The following TINAGL1 variants were observed in gnomAD, a reference collection of about 807,000 sequenced individuals.
The protein encoded by TINAGL1 is tubulointerstitial nephritis antigen like 1.
A neutral mutation model predicts 62.0 loss-of-function variants in TINAGL1; 34 were observed. The observed-to-expected ratio is 0.55, with a 90% CI of 0.42 to 0.73. TINAGL1 has a LOEUF of 0.73. Ranked by LOEUF, TINAGL1 falls within the 30% of genes least tolerant of loss-of-function variation. TINAGL1 has a pLI of 0.00. For missense variants in TINAGL1, 516 were observed against 653.2 expected (o/e 0.79, Z 2.29); for synonymous variants, 221 against 249.7 (o/e 0.88, Z 1.08).
At chr1:31,580,629 A>G (rs2148590052) in intron 3 of TINAGL1, 2 of 1,289,378 alleles carry the variant, frequency 1.6e-6, no homozygotes, top group South Asian at 2.5e-5. Flanking sequence ...AAGCCCAGCC[A>G]TACTGGGTCT....
Position 31,584,760 on chromosome 1 carries a change from A to C in TINAGL1, c.665A>C (p.Asp222Ala). The stretch of plus-strand genomic sequence containing the variant: ...CCCAACCTGATTCATGAGCCTCTTG[A>C]CCAAGGCAACTGTGCAGGCTCCTGG... The part of the protein sequence containing the change: ...KWPNLIHEPL[D>A]QGNCAGSWAF... The change falls in exon 6 of 12, where the codon GAC becomes GCC. Residue 222 changes from aspartate (D) to alanine (A), a missense_variant. By Grantham distance (126) the Asp-to-Ala change is moderately radical. Transcript: ENST00000271064. This position sits in a 1 kb window ranked among gnomAD's most constrained non-coding sequence, Gnocchi z 4.0. 1 of 1,614,216 alleles carries C rather than the reference A, an allele frequency of 6.2e-7. No individual in the cohort carries two copies. Among genetic ancestry groups the C allele is most frequent in the Non-Finnish European group, 8.5e-7 (1 of 1,180,028 alleles).
chr1:31,576,529 G>C lies in TINAGL1; in HGVS notation c.-82G>C, dbSNP rs12409748. On this transcript the variant is annotated 5_prime_UTR_variant, in exon 1 of 12. Transcript: ENST00000271064. The surrounding 1 kb of genome is among the most constrained non-coding windows in gnomAD (Gnocchi z 5.1). ...GCTCCTCTCTTGACTTTGAGCGTCC[G>C]GCGGTCGCAGAGCCAGGAGGCGGAG... The C allele has an allele frequency of 3.9e-5, 6 of 152,280 alleles. No homozygotes were observed. The highest frequency in any genetic ancestry group is 1.9e-4 in the East Asian group (1 of 5,172). The allele number at this position is 152,280 out of a possible 1,614,324, so 9.4% of individuals were successfully genotyped here.
chr1:31,585,810 C>T lies in TINAGL1; in HGVS notation c.1151C>T (p.Thr384Met), dbSNP rs148269987. 2.1e-4 allele frequency: 333 copies of T among 1,612,786 alleles called. 1 individual carries two copies. The highest frequency in any genetic ancestry group is 2.5e-4 in the Non-Finnish European group (291 of 1,179,506). The change falls in exon 10 of 12, where the codon ACG becomes ATG. Residue 384 changes from threonine to methionine, a missense_variant. Coordinates refer to ENST00000271064, the MANE Select transcript of TINAGL1 (RefSeq NM_022164.3). This position sits in a 1 kb window ranked among gnomAD's most constrained non-coding sequence, Gnocchi z 4.3. ...FLYKGGIYSH[T>M]PVSLGRPERY... ...TACAAGGGAGGCATCTACAGCCACA[C>T]GCCAGTGAGCCTTGGGAGGCCAGAG...
intron 3 of TINAGL1, chr1:31,580,287 G>T: frequency 8.2e-7 from 1 of 1,226,038 alleles, no homozygotes; most frequent in South Asian, 1.4e-5. Flanking sequence ...TGGCCCCTTA[G>T]GCCCCCTCTG....
chr1:31,585,904 T>G lies in TINAGL1; in HGVS notation c.1217+28T>G, dbSNP rs1157744483. The G allele has an allele frequency of 6.4e-7, 1 of 1,555,608 alleles. No individual in the cohort carries two copies. The highest frequency in any genetic ancestry group is 1.2e-5 in the South Asian group (1 of 83,876). Reference sequence around the variant, plus strand: ...GAGGGGCGTGTGGGCAGAGGGGGTTTGGGACAGCAGGGTTTGTGCTAGGGG... The same window carrying G: ...GAGGGGCGTGTGGGCAGAGGGGGTTGGGGACAGCAGGGTTTGTGCTAGGGG... On this transcript the variant is annotated intron_variant, in intron 10 of 11. Transcript: ENST00000271064. This position sits in a 1 kb window ranked among gnomAD's most constrained non-coding sequence, Gnocchi z 4.3.
In TINAGL1 at chr1:31,577,466, C is replaced by T. The variant is rs1286359725; in HGVS notation, c.310+8C>T. 6.2e-7 allele frequency: 1 copy of T among 1,600,514 alleles called. No individual in the cohort carries two copies. On this transcript the variant is annotated splice_region_variant and intron_variant, in intron 2 of 11. Transcript: ENST00000271064. This position sits in a 1 kb window ranked among gnomAD's most constrained non-coding sequence, Gnocchi z 5.4. ...CTTTTCCCCCGATCCAAGGTGGGCA[C>T]TAAGATGGCCAGGAGGGTGGGTCAC...
Position 31,583,301 on chromosome 1 carries a change from G to C in TINAGL1, c.467+60G>C. 1 of 1,562,214 alleles carries C rather than the reference G, an allele frequency of 6.4e-7. No individual in the cohort carries two copies. Among genetic ancestry groups the C allele is most frequent in the Non-Finnish European group, 8.8e-7 (1 of 1,133,704 alleles). ...CATGCATACTCATGCATGTATACAC[G>C]CATGCTGTGCTGTGGGGCACGTCCA... On this transcript the variant is annotated intron_variant, in intron 4 of 11. Transcript: ENST00000271064. The surrounding 1 kb of genome is among the most constrained non-coding windows in gnomAD (Gnocchi z 4.4).
Position 31,584,883 on chromosome 1 carries a change from C to A in TINAGL1, c.707-3C>A, listed in dbSNP as rs1271796138. The A allele has an allele frequency of 6.2e-7, 1 of 1,611,276 alleles. No individual in the cohort carries two copies. Among genetic ancestry groups the A allele is most frequent in the Admixed American group, 1.7e-5 (1 of 59,954 alleles). ...CGACAGCCCCTCTATCTCACCCCACCAGCTGTGGCATCCGATCGTGTCTCA... is the reference window on the plus strand; with the variant it reads ...CGACAGCCCCTCTATCTCACCCCACAAGCTGTGGCATCCGATCGTGTCTCA... On this transcript the variant is annotated splice_region_variant and splice_polypyrimidine_tract_variant and intron_variant, in intron 6 of 11. Coordinates refer to ENST00000271064, the MANE Select transcript of TINAGL1 (RefSeq NM_022164.3). This position sits in a 1 kb window ranked among gnomAD's most constrained non-coding sequence, Gnocchi z 4.0.
Position 31,585,890 on chromosome 1 carries a change from G to C in TINAGL1, c.1217+14G>C. 2 of 1,566,530 alleles carry C rather than the reference G, an allele frequency of 1.3e-6. No individual in the cohort carries two copies. The highest frequency in any genetic ancestry group is 1.7e-6 in the Non-Finnish European group (2 of 1,155,126). On this transcript the variant is annotated intron_variant, in intron 10 of 11. Coordinates refer to ENST00000271064, the MANE Select transcript of TINAGL1 (RefSeq NM_022164.3). The surrounding 1 kb of genome is among the most constrained non-coding windows in gnomAD (Gnocchi z 4.3). ...CAAGATCACAGGGTGAGGGGCGTGT[G>C]GGCAGAGGGGGTTTGGGACAGCAGG...
rs1309493078 is a variant in TINAGL1, at chr1:31,579,184, C to T, written c.311-20C>T. 4 of 1,612,402 alleles carry T rather than the reference C, an allele frequency of 2.5e-6. No homozygotes were observed. Among genetic ancestry groups the T allele is most frequent in the Admixed American group, 1.7e-5 (1 of 60,004 alleles). The stretch of plus-strand genomic sequence containing the variant: ...CCTCTCTGGTTCTGGTTCCACTTCT[C>T]TTCTCTTCCCTTCCAACAGGATGTA... On this transcript the variant is annotated intron_variant, in intron 2 of 11. Transcript: ENST00000271064.
intron 3 of TINAGL1, chr1:31,580,166 T>G (rs904358552): frequency 3.7e-4 from 63 of 171,066 alleles, no homozygotes; most frequent in Middle Eastern, 2.1e-3. Flanking sequence ...TAATGCGCTC[T>G]CTCTCTCTCT....
chr1:31,577,085 TC>T lies in TINAGL1; in HGVS notation c.-15-46del. 1 of 1,398,420 alleles carries T rather than the reference TC, an allele frequency of 7.2e-7. No homozygotes were observed. Among genetic ancestry groups the T allele is most frequent in the Middle Eastern group, 2.6e-4 (1 of 3,780 alleles). The allele number at this position is 1,398,420 out of a possible 1,614,324, so 86.6% of individuals were successfully genotyped here. ...CAGCTCCAGGAAACTGGGAGACTCA[TC>T]CCTGGTGTTCCAGGGAGTCTCTGCT... On this transcript the variant is annotated intron_variant, in intron 1 of 11. Coordinates refer to ENST00000271064, the MANE Select transcript of TINAGL1 (RefSeq NM_022164.3). This position sits in a 1 kb window ranked among gnomAD's most constrained non-coding sequence, Gnocchi z 5.4.
rs562698077 is a variant in TINAGL1 at position 31,577,431 on chromosome 1, G to A, written c.283G>A (p.Val95Met). 1.4e-5 allele frequency: 22 copies of A among 1,612,828 alleles called. No individual in the cohort carries two copies. The highest frequency in any genetic ancestry group is 1.7e-4 in the Middle Eastern group (1 of 6,056). The change falls in exon 2 of 12, where the codon GTG becomes ATG. Residue 95 changes from valine (V) to methionine (M), a missense_variant. By Grantham distance (21) the Val-to-Met change is conservative. Transcript: ENST00000271064. The surrounding 1 kb of genome is among the most constrained non-coding windows in gnomAD (Gnocchi z 5.4). ...CPDFWDFCLG[V>M]PPPFPPIQGC... ...TGACTTCTGGGACTTCTGCCTCGGC[G>A]TGCCACCCCCTTTTCCCCCGATCCA... is the stretch of plus-strand genomic sequence containing the variant.
chr1:31,581,246 T>A (rs1333051492), intron 3 of TINAGL1, among the ~76,000 whole-genome samples: 7 of 152,104 alleles, frequency 4.6e-5, no homozygotes, highest in African/African-American at 1.4e-4. Context: ...ACGGTCTGAT[T>A]TACGTTCTTC....
rs770178633 is a variant in TINAGL1, at chr1:31,579,194, C to T, written c.311-10C>T. On this transcript the variant is annotated splice_polypyrimidine_tract_variant and intron_variant, in intron 2 of 11. Transcript: ENST00000271064. The stretch of plus-strand genomic sequence containing the variant: ...TCTGGTTCCACTTCTCTTCTCTTCC[C>T]TTCCAACAGGATGTATGCATGGAGG... The T allele has an allele frequency of 7.9e-5, 127 of 1,613,410 alleles. No individual in the cohort carries two copies. Among genetic ancestry groups the T allele is most frequent in the Non-Finnish European group, 9.9e-5 (117 of 1,179,500 alleles).
chr1:31,578,394 G>A (rs2148585031), intron 2 of TINAGL1, among the ~76,000 whole-genome samples: 2 of 146,384 alleles, frequency 1.4e-5, no homozygotes, highest in Middle Eastern at 7.4e-3. Context: ...GTGTGTGTGT[G>A]TGTGATGCCT....
In TINAGL1 at chr1:31,587,038, G is replaced by T; in HGVS notation, c.*59G>T. 2 of 1,394,608 alleles carry T rather than the reference G, an allele frequency of 1.4e-6. No individual in the cohort carries two copies. The highest frequency in any genetic ancestry group is 1.9e-6 in the Non-Finnish European group (2 of 1,079,964). 86.4% of individuals were successfully genotyped at this position (1,394,608 alleles called of 1,614,324 possible). On this transcript the variant is annotated 3_prime_UTR_variant, in exon 12 of 12. Coordinates refer to ENST00000271064, the MANE Select transcript of TINAGL1 (RefSeq NM_022164.3). Reference sequence around the variant, plus strand: ...TCCAGGCTAAGGGCCGGCGGAAGAGGCCCCAATGGGGCGGTGACCCCAGCC... The same window carrying T: ...TCCAGGCTAAGGGCCGGCGGAAGAGTCCCCAATGGGGCGGTGACCCCAGCC...
Position 31,583,513 on chromosome 1 carries a change from A to C in TINAGL1, c.520A>C (p.Ile174Leu). Residue 174 changes from isoleucine (I) to leucine (L), a missense_variant, in exon 5 of 12, where the codon ATT (isoleucine) becomes CTT (leucine). Physicochemically the swap from Ile to Leu is conservative, Grantham distance 5 (BLOSUM62 2). Coordinates refer to ENST00000271064, the MANE Select transcript of TINAGL1 (RefSeq NM_022164.3). This position sits in a 1 kb window ranked among gnomAD's most constrained non-coding sequence, Gnocchi z 4.4. ...CTGGGGCATGACCCTGGATGAGGGCATTCGCTACCGCCTGGGCACCATCCG... is the reference window on the plus strand; with the variant it reads ...CTGGGGCATGACCCTGGATGAGGGCCTTCGCTACCGCCTGGGCACCATCCG... Reference protein sequence around the residue: ...AFWGMTLDEGIRYRLGTIRPS... With the variant: ...AFWGMTLDEGLRYRLGTIRPS... 6.2e-7 allele frequency: 1 copy of C among 1,614,110 alleles called. No individual in the cohort carries two copies. The highest frequency in any genetic ancestry group is 8.5e-7 in the Non-Finnish European group (1 of 1,180,016).
At position 31,583,988 on chromosome 1, in the gene TINAGL1, G is replaced by T. The variant is rs182874080; in HGVS notation, c.582+413G>T. On this transcript the variant is annotated intron_variant, in intron 5 of 11. Coordinates refer to ENST00000271064, the MANE Select transcript of TINAGL1 (RefSeq NM_022164.3). The surrounding 1 kb of genome is among the most constrained non-coding windows in gnomAD (Gnocchi z 4.4). The stretch of plus-strand genomic sequence containing the variant: ...GGTTCAGCGGAACCCCAAGGGAGGA[G>T]AGGGCTTCTCCCTTCCCACCAGTGG... 3.7e-4 allele frequency: 67 copies of T among 181,548 alleles called. No individual in the cohort carries two copies. Among genetic ancestry groups the T allele is most frequent in the Non-Finnish European group, 1.2e-4 (10 of 85,154 alleles). The allele number at this position is 181,548 out of a possible 1,614,324, so 11.2% of individuals were successfully genotyped here.
Sources: gnomAD v4.1 joint callset for allele counts (sites outside exome capture counted in the v4.1 genomes callset) on GRCh38, gnomAD v4.1.1 for gene constraint, Gnocchi (gnomAD v3.1) non-coding constraint, MANE v1.5 for transcripts, NCBI Gene and HGNC (gene_info 2026-07-23, HGNC 2026-07-21) for gene names.